Variants in GNB1 observed in about 807,000 individuals in gnomAD.
GNB1 encodes the protein guanine nucleotide-binding protein G(I)/G(S)/G(T) subunit beta-1.
GNB1 carries 2 observed loss-of-function variants against 42.9 expected under a neutral mutation model. The observed-to-expected ratio is 0.05, with a 90% CI of 0.02 to 0.15. The LOEUF is 0.15. GNB1 is among the 10% of genes least tolerant of loss of function. GNB1 has a pLI of 1.00. For synonymous variants in GNB1, 183 were observed against 174.7 expected (o/e 1.05, Z -0.38); for missense variants, 193 against 462.2 (o/e 0.42, Z 5.34).
intron 5 of GNB1, among the ~76,000 whole-genome samples, chr1:1,809,421 G>A (rs1409782704): frequency 6.6e-6 from 1 of 152,092 alleles, no homozygotes; most frequent in Non-Finnish European, 1.5e-5. Context: ...CCTCGGCTGG[G>A]ATTACAGGCG....
chr1:1,820,356 TAAAAA>T (rs35466451), intron 3 of GNB1, among the ~76,000 whole-genome samples: 3 of 101,872 alleles, frequency 2.9e-5, no homozygotes, highest in African/African-American at 3.8e-5. Flanking sequence ...AGACTCTGTT[TAAAAA>T]AAAAAAAAAA....
intron 1 of GNB1, among the ~76,000 whole-genome samples, chr1:1,856,503 C>A (rs546671613): frequency 6.6e-6 from 1 of 152,210 alleles, no homozygotes; most frequent in South Asian, 2.1e-4. Context: ...TCTCAGCTCA[C>A]TGCAACCTCC....
intron 2 of GNB1, among the ~76,000 whole-genome samples, chr1:1,825,942 C>T (rs1463468648): frequency 9.2e-5 from 14 of 151,636 alleles, no homozygotes; most frequent in African/African-American, 3.4e-4. Context: ...TTCATCAGAA[C>T]TTATACAATG....
At chr1:1,793,463 A>G (rs1646507409) in intron 7 of GNB1, 152 bp from the exon 8 acceptor site, 2 of 565,662 alleles carry the variant, frequency 3.5e-6, no homozygotes. Flanking sequence ...CTGTGCACAC[A>G]GCAGAAGGTC....
At chr1:1,799,630 G>A (rs925720286) in intron 7 of GNB1, among the ~76,000 whole-genome samples, 3 of 152,188 alleles carry the variant, frequency 2.0e-5, no homozygotes, top group African/African-American at 4.8e-5. Flanking sequence ...ACAACTATAA[G>A]CACTGCACAA....
intron 7 of GNB1, chr1:1,794,214 C>T (rs2100558867): frequency 6.6e-6 from 1 of 152,268 alleles, no homozygotes; most frequent in South Asian, 2.1e-4. Context: ...TCCGCAATAT[C>T]CACACATGAT....
chr1:1,792,164 C>CATTTA (rs1451381643), intron 8 of GNB1, among the ~76,000 whole-genome samples: 1 of 152,116 alleles, frequency 6.6e-6, no homozygotes, highest in Non-Finnish European at 1.5e-5. Context: ...AAAATTCTAG[C>CATTTA]ATTTAAGTGG....
At chr1:1,798,909 C>T (rs1646583666) in intron 7 of GNB1, among the ~76,000 whole-genome samples, 1 of 149,246 alleles carries the variant, frequency 6.7e-6, no homozygotes, top group Non-Finnish European at 1.5e-5. Flanking sequence ...CTATGTCACC[C>T]AGACTCACAA....
At chr1:1,859,295 T>TACAGGCGTGAGCCACC (rs1287124594) in intron 1 of GNB1, among the ~76,000 whole-genome samples, 1 of 152,068 alleles carries the variant, frequency 6.6e-6, no homozygotes, top group African/African-American at 2.4e-5. Flanking sequence ...GTGCTGGGCT[T>TACAGGCGTGAGCCACC]ACAGGCGTGA....
intron 1 of GNB1, among the ~76,000 whole-genome samples, chr1:1,859,617 G>A (rs1331183475): frequency 6.6e-6 from 1 of 151,756 alleles, no homozygotes; most frequent in Non-Finnish European, 1.5e-5. Flanking sequence ...CAGGAGTGGG[G>A]GAGGAAAGAA....
chr1:1,796,331 C>T (rs942036827), intron 7 of GNB1, among the ~76,000 whole-genome samples: 3 of 152,170 alleles, frequency 2.0e-5, no homozygotes, highest in Non-Finnish European at 4.4e-5. Context: ...AGGAAAGCCT[C>T]GTAGGGCCTT....
chr1:1,855,107 C>T (rs1036943889), intron 1 of GNB1, among the ~76,000 whole-genome samples: 2 of 150,722 alleles, frequency 1.3e-5, no homozygotes, highest in Non-Finnish European at 1.5e-5. Flanking sequence ...TACAGTGGGC[C>T]GAGATAGCTC....
At chr1:1,854,030 A>AG (rs1648128137) in intron 1 of GNB1, among the ~76,000 whole-genome samples, 1 of 152,238 alleles carries the variant, frequency 6.6e-6, no homozygotes, top group Admixed American at 6.5e-5. Flanking sequence ...ATCATGTGCC[A>AG]GGCACCACAG....
chr1:1,802,757 C>A (rs1263571198), intron 7 of GNB1, among the ~76,000 whole-genome samples: 8 of 139,378 alleles, frequency 5.7e-5, no homozygotes, highest in African/African-American at 2.2e-4. Flanking sequence ...GAGCAGGACT[C>A]CATCTTAAAA....
At chr1:1,851,667 T>C (rs781149295) in intron 1 of GNB1, among the ~76,000 whole-genome samples, 5 of 152,182 alleles carry the variant, frequency 3.3e-5, no homozygotes, top group Non-Finnish European at 7.4e-5. Flanking sequence ...GCCATACAAC[T>C]TCACATGAAG....
At chr1:1,797,932 C>T (rs763548084) in intron 7 of GNB1, among the ~76,000 whole-genome samples, 4 of 152,182 alleles carry the variant, frequency 2.6e-5, no homozygotes, top group African/African-American at 4.8e-5. Flanking sequence ...AGTCCTCCTC[C>T]GACAGGTGGT....
At chr1:1,823,649 A>C (rs1434444253) in intron 3 of GNB1, among the ~76,000 whole-genome samples, 1 of 152,198 alleles carries the variant, frequency 6.6e-6, no homozygotes. Context: ...AAGATTTAAA[A>C]TTCTTACAGT....
chr1:1,817,994 G>T, intron 3 of GNB1, 119 bp from the exon 4 acceptor site: 1 of 754,314 alleles, frequency 1.3e-6, no homozygotes, highest in Admixed American at 2.0e-5. Flanking sequence ...AGCAGAATGT[G>T]AAAGAACGGC....
chr1:1,856,257 A>C (rs754995420), intron 1 of GNB1, among the ~76,000 whole-genome samples: 38 of 152,170 alleles, frequency 2.5e-4, no homozygotes, highest in Non-Finnish European at 4.1e-4. Flanking sequence ...CTCAGCCTCA[A>C]GTGATCCTCC....
Sources: allele counts gnomAD v4.1 joint callset (sites outside exome capture counted in the v4.1 genomes callset), GRCh38; gene constraint gnomAD v4.1.1; transcripts MANE v1.5; gene names NCBI Gene and HGNC (gene_info 2026-07-23, HGNC 2026-07-21).